Variants in PHACTR3 observed in about 807,000 individuals in gnomAD.
PHACTR3 encodes phosphatase and actin regulator 3.
Under a neutral mutation model 66.8 loss-of-function variants are expected in PHACTR3, and 16 were observed. The observed-to-expected ratio is 0.24, with a 90% CI of 0.16 to 0.36. The LOEUF (loss-of-function observed/expected upper bound fraction) is 0.36, where lower values mean the gene tolerates loss of function less well. PHACTR3 is among the 10% of genes least tolerant of loss of function. The probability of loss-of-function intolerance (pLI) is 1.00; values close to 1 mark genes in which losing one functional copy is unlikely to be tolerated. For missense variants in PHACTR3, 647 were observed against 719.9 expected (o/e 0.90, Z 1.16); for synonymous variants, 323 against 292.1 (o/e 1.11, Z -1.08).
chr20:59,816,900 AGT>A, intron 8 of PHACTR3, among the ~76,000 whole-genome samples: 1 of 152,268 alleles, frequency 6.6e-6, no homozygotes, highest in South Asian at 2.1e-4. Context: ...TGGGTGGATA[AGT>A]GGTGGGATGT....
At chr20:59,722,048 G>A (rs2038325326) in intron 1 of PHACTR3, among the ~76,000 whole-genome samples, 1 of 152,074 alleles carries the variant, frequency 6.6e-6, no homozygotes, top group East Asian at 1.9e-4. Context: ...GGCTAACACA[G>A]TGAAACCCCA....
At chr20:59,611,508 G>T (rs1333371309) in intron 1 of PHACTR3, among the ~76,000 whole-genome samples, 1 of 152,246 alleles carries the variant, frequency 6.6e-6, no homozygotes, top group Non-Finnish European at 1.5e-5. Context: ...GGAGTCATGG[G>T]ACCGTGTCCC....
At chr20:59,810,646 T>G (rs944739091) in intron 8 of PHACTR3, among the ~76,000 whole-genome samples, 1 of 152,194 alleles carries the variant, frequency 6.6e-6, no homozygotes, top group African/African-American at 2.4e-5. Context: ...AACCTTCATA[T>G]TTTATCTTCT....
At chr20:59,666,101 C>G (rs1017374585) in intron 1 of PHACTR3, among the ~76,000 whole-genome samples, 3 of 152,148 alleles carry the variant, frequency 2.0e-5, no homozygotes, top group Non-Finnish European at 4.4e-5. Context: ...GCATGCCTTG[C>G]AGGGAGGCAT....
chr20:59,724,276 G>C (rs2038470394), intron 1 of PHACTR3, among the ~76,000 whole-genome samples: 2 of 152,256 alleles, frequency 1.3e-5, no homozygotes, highest in Middle Eastern at 3.4e-3. Context: ...AATGATTTCT[G>C]AGGCCAAGAC....
intron 1 of PHACTR3, 102 bp from the exon 2 acceptor site, chr20:59,743,005 A>G: frequency 7.7e-7 from 1 of 1,301,998 alleles, no homozygotes; most frequent in Non-Finnish European, 1.1e-6. Context: ...CTTTGGGGGG[A>G]TCACTGGTGA....
At chr20:59,776,889 A>G (rs1208671203) in intron 7 of PHACTR3, among the ~76,000 whole-genome samples, 3 of 152,176 alleles carry the variant, frequency 2.0e-5, no homozygotes, top group Non-Finnish European at 4.4e-5. Flanking sequence ...TGCTCTGCAC[A>G]GGGACGCCTC....
At chr20:59,646,219 G>A (rs1000772383) in intron 1 of PHACTR3, among the ~76,000 whole-genome samples, 4 of 152,192 alleles carry the variant, frequency 2.6e-5, no homozygotes, top group African/African-American at 4.8e-5. Flanking sequence ...CTGGGGCCCT[G>A]GGTAAATGTC....
chr20:59,783,559 TTTTG>T lies in PHACTR3; in HGVS notation c.1174+9084_1174+9087del, dbSNP rs201560342. On this transcript the variant is annotated intron_variant, in intron 7 of 12. Coordinates refer to ENST00000371015, the MANE Select transcript of PHACTR3 (RefSeq NM_080672.5). ...ATAAGACAGCTGCTATTACCGCTTT[TTTTG>T]TTTGTTTGTTTGTTAACAGTAGAGG... 9.4e-3 allele frequency among the ~76,000 whole-genome samples: 1,436 copies of T among 152,314 alleles called. 9 individuals carry two copies. The highest frequency in any genetic ancestry group is 0.014 in the Non-Finnish European group (946 of 68,026).
intron 9 of PHACTR3, among the ~76,000 whole-genome samples, chr20:59,840,059 G>C (rs2059030809): frequency 6.6e-6 from 1 of 152,148 alleles, no homozygotes; most frequent in Admixed American, 6.5e-5. Flanking sequence ...GAGAAAGACA[G>C]ACACAGAGGT....
At chr20:59,589,162 G>A (rs2033120299) in intron 1 of PHACTR3, among the ~76,000 whole-genome samples, 1 of 152,254 alleles carries the variant, frequency 6.6e-6, no homozygotes, top group South Asian at 2.1e-4. Context: ...GTTGCGGGAC[G>A]GCAGAGCCCT....
intron 1 of PHACTR3, among the ~76,000 whole-genome samples, chr20:59,699,944 G>C (rs746490004): frequency 6.6e-6 from 1 of 152,184 alleles, no homozygotes; most frequent in Admixed American, 6.5e-5. Flanking sequence ...CCTGGCAACA[G>C]AGCAAAACTC....
intron 8 of PHACTR3, among the ~76,000 whole-genome samples, chr20:59,826,864 C>T (rs1256624997): frequency 6.6e-6 from 1 of 152,204 alleles, no homozygotes; most frequent in African/African-American, 2.4e-5. Flanking sequence ...ATGACATTCT[C>T]TGCGTTACCT....
chr20:59,773,160 G>T, intron 5 of PHACTR3, 119 bp from the exon 6 acceptor site: 1 of 1,178,720 alleles, frequency 8.5e-7, no homozygotes, highest in South Asian at 1.5e-5. Flanking sequence ...GGCATTAGTT[G>T]GGGCCCCTCC....
At chr20:59,842,295 G>C (rs1024393899) in intron 11 of PHACTR3, among the ~76,000 whole-genome samples, 19 of 152,220 alleles carry the variant, frequency 1.2e-4, no homozygotes, top group African/African-American at 4.6e-4. Flanking sequence ...CCTTTAGGAA[G>C]AGAAAAATTA....
intron 1 of PHACTR3, among the ~76,000 whole-genome samples, chr20:59,648,931 C>T (rs915407979): frequency 6.6e-6 from 1 of 152,154 alleles, no homozygotes; most frequent in East Asian, 1.9e-4. Flanking sequence ...GGAGAGAGTC[C>T]TGTTGTTCCG....
At chr20:59,675,227 G>A (rs2146524951) in intron 1 of PHACTR3, among the ~76,000 whole-genome samples, 2 of 143,484 alleles carry the variant, frequency 1.4e-5, no homozygotes, top group East Asian at 4.2e-4. Flanking sequence ...CCAGCTAATT[G>A]TATTGAGGCT....
chr20:59,835,923 C>A (rs187598450), intron 8 of PHACTR3: 1 of 152,378 alleles, frequency 6.6e-6, no homozygotes, highest in East Asian at 1.9e-4. Context: ...AGGCGGGAGG[C>A]CCCTTAGACG....
chr20:59,656,989 T>C (rs2035639080), intron 1 of PHACTR3, among the ~76,000 whole-genome samples: 1 of 152,066 alleles, frequency 6.6e-6, no homozygotes, highest in African/African-American at 2.4e-5. Context: ...AACTTTACAA[T>C]ACATTGTTAC....
Sources: allele counts gnomAD v4.1 joint callset (sites outside exome capture counted in the v4.1 genomes callset), GRCh38; gene constraint gnomAD v4.1.1; transcripts MANE v1.5; gene names NCBI Gene and HGNC (gene_info 2026-07-23, HGNC 2026-07-21).